The following CARMIL1 variants were observed in gnomAD, a reference collection of about 807,000 sequenced individuals.
CARMIL1 encodes capping protein regulator and myosin 1 linker 1, also known as F-actin-uncapping protein LRRC16A.
In CARMIL1, 90 loss-of-function variants were observed where a neutral mutation model predicts 177.1. The ratio of observed to expected loss-of-function variants is 0.51; its 90% CI spans 0.43 to 0.61. The LOEUF (loss-of-function observed/expected upper bound fraction) is 0.61, where lower values mean the gene tolerates loss of function less well. Among genes scored for constraint, CARMIL1 ranks in the 20% least tolerant of loss-of-function variants. CARMIL1 has a pLI of 0.00. For missense variants in CARMIL1, 1,380 were observed against 1,667.0 expected, an observed-to-expected ratio of 0.83 and a Z score of 3.00; for synonymous variants, 577 against 606.2, an observed-to-expected ratio of 0.95 and a Z score of 0.71.
intron 23 of CARMIL1, among the ~76,000 whole-genome samples, chr6:25,526,545 T>C (rs1379707158): frequency 6.6e-6 from 1 of 151,412 alleles, no homozygotes; most frequent in East Asian, 1.9e-4. Flanking sequence ...CCTCTCCTTC[T>C]CTTCTGTTCT....
At chr6:25,320,182 A>G (rs370261050) in intron 2 of CARMIL1, among the ~76,000 whole-genome samples, 59 of 152,274 alleles carry the variant, frequency 3.9e-4, no homozygotes, top group African/African-American at 1.4e-3. Context: ...CCTCCTGCCC[A>G]CCCCTCTGTC....
rs2151045783 is a variant in CARMIL1, at chr6:25,509,738, G to GT, written c.1477+2dup. 1 of 1,574,668 alleles carries GT rather than the reference G, an allele frequency of 6.4e-7. No homozygotes were observed. Among genetic ancestry groups the GT allele is most frequent in the Non-Finnish European group, 8.7e-7 (1 of 1,154,454 alleles). ...ACCAGCTTAGACATCTCTGACAATG[G>GT]TAAGTCAGATATTGAAAAGAAATGA... On this transcript the variant is annotated splice_donor_variant, in intron 18 of 36. Transcript: ENST00000329474. LOFTEE classifies it high-confidence loss of function. The surrounding 1 kb of genome is among the most constrained non-coding windows in gnomAD (Gnocchi z 4.1).
At chr6:25,492,145 C>A in intron 15 of CARMIL1, 121 bp downstream of exon 15, 1 of 747,352 alleles carries the variant, frequency 1.3e-6, no homozygotes, top group Admixed American at 2.8e-5. Flanking sequence ...CAGCCTTAAG[C>A]ATTATCTATG....
At position 25,442,373 on chromosome 6, in the gene CARMIL1, C is replaced by T. The variant is rs1183012607; in HGVS notation, c.371+6769C>T. On this transcript the variant is annotated intron_variant, in intron 5 of 36. Coordinates refer to ENST00000329474, the MANE Select transcript of CARMIL1 (RefSeq NM_017640.6). ...GCCTGCATGTGAGAGACATGTCTTG[C>T]TTATGTTTTGTTTTAGGATTTTGGT... 2.6e-5 allele frequency among the ~76,000 whole-genome samples: 4 copies of T among 151,320 alleles called. 1 individual carries two copies. The South Asian group carries it at 8.4e-4, about 32-fold the overall frequency.
At chr6:25,569,897 AAATATT>A (rs1351178894) in intron 29 of CARMIL1, among the ~76,000 whole-genome samples, 3 of 152,248 alleles carry the variant, frequency 2.0e-5, no homozygotes, top group Non-Finnish European at 2.9e-5. Context: ...ACAATAAAGA[AAATATT>A]AAAATGCTAT....
chr6:25,617,917 A>C (rs1410429806), intron 36 of CARMIL1, among the ~76,000 whole-genome samples: 1 of 152,334 alleles, frequency 6.6e-6, no homozygotes, highest in South Asian at 2.1e-4. Flanking sequence ...AAAAGAAAAA[A>C]TAATAGAAAT....
intron 26 of CARMIL1, among the ~76,000 whole-genome samples, chr6:25,549,066 GT>G (rs1026570446): frequency 6.6e-6 from 1 of 152,186 alleles, no homozygotes; most frequent in Admixed American, 6.5e-5. Context: ...GCTAAAATTC[GT>G]TTTTATAGGG....
Position 25,610,120 on chromosome 6 carries a change from A to G in CARMIL1, c.3918A>G (p.Ser1306=). The change falls in exon 36 of 37, where the codon TCA becomes TCG. Residue 1306 remains serine (S), a synonymous_variant. Coordinates refer to ENST00000329474, the MANE Select transcript of CARMIL1 (RefSeq NM_017640.6). ...LLPPVLKKVP[S]DKERDGQSSP... ...CACCTGTCCTGAAAAAAGTTCCTTC[A>G]GACAAAGAGAGAGATGGCCAGAGTA... The G allele has an allele frequency of 6.2e-7, 1 of 1,613,982 alleles. No homozygotes were observed. The highest frequency in any genetic ancestry group is 8.5e-7 in the Non-Finnish European group (1 of 1,179,884).
intron 15 of CARMIL1, among the ~76,000 whole-genome samples, 158 bp downstream of exon 15, chr6:25,492,182 T>A (rs1302297140): frequency 6.6e-6 from 1 of 152,228 alleles, no homozygotes; most frequent in Admixed American, 6.5e-5. Context: ...CATTCAAGTT[T>A]TTGTTTTATC....
intron 2 of CARMIL1, among the ~76,000 whole-genome samples, chr6:25,413,197 A>T (rs1259505967): frequency 2.0e-5 from 3 of 152,192 alleles, no homozygotes; most frequent in African/African-American, 7.2e-5. Context: ...ACGTACTTAG[A>T]GCTGGGAGTT....
intron 2 of CARMIL1, among the ~76,000 whole-genome samples, chr6:25,368,898 T>C (rs1275720657): frequency 1.2e-4 from 19 of 152,252 alleles, no homozygotes; most frequent in Admixed American, 1.2e-3. Context: ...GTATGTTATA[T>C]AGAATGATGT....
chr6:25,409,281 C>G (rs1298569153), intron 2 of CARMIL1, among the ~76,000 whole-genome samples: 2 of 152,172 alleles, frequency 1.3e-5, no homozygotes, highest in Non-Finnish European at 2.9e-5. Context: ...AGTTTGCACA[C>G]TGTCTCTGTA....
chr6:25,465,756 TTG>T (rs2150922798), intron 8 of CARMIL1, 115 bp from the exon 9 acceptor site: 2 of 699,060 alleles, frequency 2.9e-6, no homozygotes, highest in East Asian at 5.0e-5. Context: ...CAACTAGATG[TTG>T]TGTTTCTGAA....
At chr6:25,410,902 A>T (rs1039849205) in intron 2 of CARMIL1, among the ~76,000 whole-genome samples, 1 of 152,194 alleles carries the variant, frequency 6.6e-6, no homozygotes, top group African/African-American at 2.4e-5. Context: ...CTGTTTCCTC[A>T]TCTGTAAAAT....
At chr6:25,295,510 C>CT (rs200582676) in intron 2 of CARMIL1, among the ~76,000 whole-genome samples, 6 of 150,988 alleles carry the variant, frequency 4.0e-5, no homozygotes, top group Non-Finnish European at 5.9e-5. Context: ...TTGAAGGATG[C>CT]TTTTTTTTTC....
At position 25,284,853 on chromosome 6, in the gene CARMIL1, G is replaced by C; in HGVS notation, c.82G>C (p.Val28Leu). 1 of 1,572,754 alleles carries C rather than the reference G, an allele frequency of 6.4e-7. No homozygotes were observed. Residue 28 changes from valine (V) to leucine (L), a missense_variant, in exon 2 of 37, where the codon GTG becomes CTG. Transcript: ENST00000329474. ...TATTGGCAGAAAGATAAAAATTTCAGTGAAGAAGAAAGTAAAGTTGGAAGT... is the reference window on the plus strand; with the variant it reads ...TATTGGCAGAAAGATAAAAATTTCACTGAAGAAGAAAGTAAAGTTGGAAGT... ...DVIGRKIKIS[V>L]KKKVKLEVKG... is the part of the protein sequence containing the mutation.
chr6:25,429,242 A>G (rs555396739), intron 4 of CARMIL1, among the ~76,000 whole-genome samples: 2 of 152,164 alleles, frequency 1.3e-5, no homozygotes, highest in Admixed American at 1.3e-4. Flanking sequence ...CCAATGTCCA[A>G]GGGTTCCTTT....
Position 25,520,285 on chromosome 6 carries a change from C to T in CARMIL1, c.1916C>T (p.Ala639Val). Residue 639 changes from alanine (A) to valine (V), a missense_variant, in exon 23 of 37, where the codon GCT becomes GTT. Transcript: ENST00000329474. ...LRFMPIPMYD[A>V]SQALKTNPEK... Reference sequence around the variant, plus strand: ...TTTATGCCAATTCCTATGTATGATGCTTCTCAAGCCCTAAAAACAAACCCT... The same window carrying T: ...TTTATGCCAATTCCTATGTATGATGTTTCTCAAGCCCTAAAAACAAACCCT... 3 of 1,565,202 alleles carry T rather than the reference C, an allele frequency of 1.9e-6. No individual in the cohort carries two copies. The highest frequency in any genetic ancestry group is 2.6e-6 in the Non-Finnish European group (3 of 1,153,350).
intron 3 of CARMIL1, 60 bp downstream of exon 3, chr6:25,420,224 A>C: frequency 6.8e-7 from 1 of 1,459,912 alleles, no homozygotes; most frequent in African/African-American, 1.4e-5. Flanking sequence ...ACTCATGCAT[A>C]GTCACTCATG....
Sources: allele counts gnomAD v4.1 joint callset (sites outside exome capture counted in the v4.1 genomes callset), GRCh38; gene constraint gnomAD v4.1.1; non-coding constraint Gnocchi (gnomAD v3.1); transcripts MANE v1.5; gene names NCBI Gene and HGNC (gene_info 2026-07-23, HGNC 2026-07-21).